The following MTARC2 variants were observed in gnomAD, a reference collection of about 807,000 sequenced individuals.
MTARC2 encodes the protein MOCO sulphurase C-terminal domain containing 2.
A neutral mutation model predicts 35.6 loss-of-function variants in MTARC2; 27 were observed. The observed-to-expected ratio is 0.76, with a 90% confidence interval of 0.56 to 1.04. The LOEUF (loss-of-function observed/expected upper bound fraction) is 1.04. Among genes scored for constraint, MTARC2 ranks in the 50% least tolerant of loss-of-function variants. The pLI, the probability that MTARC2 is intolerant of heterozygous loss-of-function variation, is 0.00. For missense variants in MTARC2, 412 were observed against 432.5 expected (o/e 0.95, Z 0.42); for synonymous variants, 158 against 167.1 (o/e 0.95, Z 0.42).
At chr1:220,756,260 G>A (rs555088535) in intron 2 of MTARC2, 1 of 152,210 alleles carries the variant, frequency 6.6e-6, no homozygotes, top group Non-Finnish European at 1.5e-5. Context: ...TGTTAAGTGT[G>A]TGGAAGTTGG....
At chr1:220,753,534 G>C (rs1430640539) in intron 1 of MTARC2, among the ~76,000 whole-genome samples, 1 of 152,170 alleles carries the variant, frequency 6.6e-6, no homozygotes, top group Non-Finnish European at 1.5e-5. Flanking sequence ...AGCTCCCTGT[G>C]CTGGGATATT....
intron 6 of MTARC2, among the ~76,000 whole-genome samples, chr1:220,780,453 CTTTTTT>C (rs11364112): frequency 3.0e-5 from 4 of 133,778 alleles, no homozygotes; most frequent in Admixed American, 7.6e-5. Flanking sequence ...TTTGGATAAA[CTTTTTT>C]TTTTTTTTTT....
At chr1:220,755,606 G>C (rs1671256354) in intron 2 of MTARC2, among the ~76,000 whole-genome samples, 1 of 152,226 alleles carries the variant, frequency 6.6e-6, no homozygotes, top group East Asian at 1.9e-4. Context: ...TCTGGTACTT[G>C]GCTCTAGGGT....
intron 2 of MTARC2, among the ~76,000 whole-genome samples, chr1:220,759,551 T>C (rs558531294): frequency 8.5e-5 from 13 of 152,222 alleles, no homozygotes; most frequent in African/African-American, 3.1e-4. Context: ...CTTTTCTGCT[T>C]TTCAAAGTGC....
At chr1:220,754,342 C>T (rs1671217897) in intron 1 of MTARC2, 2 of 456,164 alleles carry the variant, frequency 4.4e-6, no homozygotes, top group Non-Finnish European at 8.8e-6. Flanking sequence ...CATGTGACTT[C>T]TGTGTGTCTT....
At chr1:220,779,050 A>G (rs1004907677) in intron 4 of MTARC2, among the ~76,000 whole-genome samples, 5 of 152,188 alleles carry the variant, frequency 3.3e-5, no homozygotes, top group Non-Finnish European at 7.3e-5. Context: ...ATAAATATGT[A>G]TGCATTTCTC....
At chr1:220,770,314 G>A (rs1226544633) in intron 4 of MTARC2, 1 of 861,872 alleles carries the variant, frequency 1.2e-6, no homozygotes, top group African/African-American at 1.8e-5. Context: ...CTGAATTCGA[G>A]GCAAGGACTT....
chr1:220,754,312 T>C, intron 1 of MTARC2: 1 of 456,146 alleles, frequency 2.2e-6, no homozygotes, highest in South Asian at 1.5e-5. Flanking sequence ...CTCTAGGAAA[T>C]AAGTGGGATT....
intron 4 of MTARC2, among the ~76,000 whole-genome samples, chr1:220,773,964 AACACACACAC>A (rs3056885): frequency 2.7e-5 from 4 of 148,428 alleles, no homozygotes; most frequent in African/African-American, 9.9e-5. Flanking sequence ...ATTATATATA[AACACACACAC>A]ACACACACAC....
chr1:220,782,559 T>C (rs1182431669), intron 7 of MTARC2, among the ~76,000 whole-genome samples: 1 of 152,194 alleles, frequency 6.6e-6, no homozygotes, highest in African/African-American at 2.4e-5. Context: ...GACCTCAAAT[T>C]GGAGATTTTA....
rs1572288328 is a variant in MTARC2 at position 220,749,431 on chromosome 1, T to TC, written c.272+628_272+629insC. Among the ~76,000 whole-genome samples, 211 of 112,288 alleles carry TC rather than the reference T, an allele frequency of 1.9e-3. 1 individual carries two copies. The highest frequency in any genetic ancestry group is 4.4e-3 in the African/African-American group (166 of 37,386). 73.7% of individuals were successfully genotyped at this position (112,288 alleles called of 152,430 possible). A position where few individuals can be genotyped will look rare whatever the true frequency, so the allele number is the denominator to read the frequency against. ...TTAGGATTAAGATGCCTTCTTCTTT[T>TC]TTTTTTTTTTTTTTTTTGAGACAGA... On this transcript the variant is annotated intron_variant, in intron 1 of 7. Transcript: ENST00000366913.
intron 4 of MTARC2, among the ~76,000 whole-genome samples, chr1:220,772,995 A>G (rs1035010184): frequency 1.3e-5 from 2 of 152,000 alleles, no homozygotes; most frequent in African/African-American, 4.8e-5. Flanking sequence ...GGGTAAGAGG[A>G]GTTTCTTTTG....
At chr1:220,762,744 C>T (rs372697217) in intron 3 of MTARC2, among the ~76,000 whole-genome samples, 166 bp from the exon 4 acceptor site, 1 of 152,308 alleles carries the variant, frequency 6.6e-6, no homozygotes, top group African/African-American at 2.4e-5. Context: ...GGAACTGCTC[C>T]AGCTCCTGGC....
Position 220,782,051 on chromosome 1 carries a change from C to T in MTARC2, c.*31+119C>T, listed in dbSNP as rs567360945. 61 of 914,804 alleles carry T rather than the reference C, an allele frequency of 6.7e-5. No homozygotes were observed. In the African/African-American group the frequency reaches 1.0e-3, roughly 15 times the overall value. 56.7% of individuals were successfully genotyped at this position (914,804 alleles called of 1,614,324 possible). On this transcript the variant is annotated intron_variant, in intron 7 of 7. Coordinates refer to ENST00000366913, the MANE Select transcript of MTARC2 (RefSeq NM_017898.5). ...TTGAGAGAATGAACAGTTTTATATT[C>T]TGATCTTTGGAGTTGGAAAATGCCC...
In MTARC2 at chr1:220,783,905, T is replaced by G. The variant is rs1387981966; in HGVS notation, c.*32-14T>G. 1.4e-6 allele frequency: 1 copy of G among 717,312 alleles called. No individual in the cohort carries two copies. The highest frequency in any genetic ancestry group is 1.7e-5 in the African/African-American group (1 of 57,270). 44.4% of individuals were successfully genotyped at this position (717,312 alleles called of 1,614,324 possible). On this transcript the variant is annotated splice_polypyrimidine_tract_variant and intron_variant, in intron 7 of 7. Transcript: ENST00000366913. ...AAACAACCAAATAACCAGAGATTCT[T>G]ATTATTTATTCAGGCTTCAGCAACC... is the stretch of plus-strand genomic sequence containing the variant.
Position 220,748,537 on chromosome 1 carries a change from C to A in MTARC2, c.6C>A (p.Gly2=). 7.0e-7 allele frequency: 1 copy of A among 1,419,936 alleles called. No homozygotes were observed. Among genetic ancestry groups the A allele is most frequent in the Non-Finnish European group, 9.1e-7 (1 of 1,096,752 alleles). The allele number at this position is 1,419,936 out of a possible 1,614,324, so 88.0% of individuals were successfully genotyped here. The change falls in exon 1 of 8, where the codon GGC becomes GGA. Residue 2 remains glycine (G), a synonymous_variant. Coordinates refer to ENST00000366913, the MANE Select transcript of MTARC2 (RefSeq NM_017898.5). M[G]ASSSSALARL... ...GCGCCCGCCCTCGCTCTGCCATGGGCGCTTCCAGCTCCTCCGCGCTGGCCC... is the reference window on the plus strand; with the variant it reads ...GCGCCCGCCCTCGCTCTGCCATGGGAGCTTCCAGCTCCTCCGCGCTGGCCC...
intron 3 of MTARC2, 55 bp downstream of exon 3, chr1:220,761,875 C>A: frequency 1.3e-6 from 2 of 1,513,302 alleles, no homozygotes; most frequent in Non-Finnish European, 1.8e-6. Context: ...CTCTTTCTGG[C>A]TTCCTTCCCA....
At chr1:220,758,463 G>T (rs117775578) in intron 2 of MTARC2, among the ~76,000 whole-genome samples, 1 of 148,250 alleles carries the variant, frequency 6.7e-6, no homozygotes, top group Admixed American at 6.8e-5. Flanking sequence ...CTTGTTGCCC[G>T]GGCTAGAGTG....
chr1:220,755,012 T>G lies in MTARC2; in HGVS notation c.338T>G (p.Leu113Arg). The change falls in exon 2 of 8, where the codon CTC becomes CGC. Residue 113 changes from leucine to arginine, a missense_variant. Coordinates refer to ENST00000366913, the MANE Select transcript of MTARC2 (RefSeq NM_017898.5). ...GCCCGACAGGAGCCTCGCCTCGTGC[T>G]CATCTCCATCATTTATGAGAATAAC... ...VTARQEPRLV[L>R]ISIIYENNCL... The G allele has an allele frequency of 6.2e-7, 1 of 1,613,306 alleles. No homozygotes were observed. The highest frequency in any genetic ancestry group is 2.2e-5 in the East Asian group (1 of 44,792).
Sources: allele counts gnomAD v4.1 joint callset (sites outside exome capture counted in the v4.1 genomes callset), GRCh38; gene constraint gnomAD v4.1.1; transcripts MANE v1.5; gene names NCBI Gene and HGNC (gene_info 2026-07-23, HGNC 2026-07-21).